Variants in ADAMTS12 observed in about 807,000 individuals in gnomAD.
ADAMTS12 encodes A disintegrin and metalloproteinase with thrombospondin motifs 12.
ADAMTS12 carries 118 observed loss-of-function variants against 167.8 expected under a neutral mutation model. The observed-to-expected ratio is 0.70, with a 90% CI of 0.61 to 0.82. ADAMTS12 has a LOEUF of 0.82. Ranked by LOEUF, ADAMTS12 falls within the 40% of genes least tolerant of loss-of-function variation. The pLI is 0.00. For synonymous variants in ADAMTS12, 704 were observed against 716.9 expected (o/e 0.98, Z 0.29); for missense variants, 1,916 against 1,998.8 (o/e 0.96, Z 0.79).
chr5:33,824,916 T>A (rs942686840), intron 2 of ADAMTS12, among the ~76,000 whole-genome samples: 1 of 152,096 alleles, frequency 6.6e-6, no homozygotes, highest in Admixed American at 6.6e-5. Context: ...ACTCTAACAC[T>A]GCAAAAGCCA....
At chr5:33,649,030 T>G in intron 8 of ADAMTS12, 64 bp from the exon 9 acceptor site, 1 of 1,579,540 alleles carries the variant, frequency 6.3e-7, no homozygotes, top group South Asian at 1.2e-5. Context: ...CAGCCTTTCA[T>G]TCAACAGAAA....
intron 3 of ADAMTS12, among the ~76,000 whole-genome samples, chr5:33,684,965 G>C (rs1742272625): frequency 6.6e-6 from 1 of 152,218 alleles, no homozygotes; most frequent in East Asian, 1.9e-4. Flanking sequence ...CTTAACCCAA[G>C]TGGAAGTCAA....
At chr5:33,720,505 A>G (rs1234268116) in intron 3 of ADAMTS12, among the ~76,000 whole-genome samples, 1 of 152,236 alleles carries the variant, frequency 6.6e-6, no homozygotes, top group Non-Finnish European at 1.5e-5. Flanking sequence ...ACCTGTGTTT[A>G]CATCAATAAA....
At chr5:33,768,104 T>C (rs1057200785) in intron 2 of ADAMTS12, among the ~76,000 whole-genome samples, 1 of 152,150 alleles carries the variant, frequency 6.6e-6, no homozygotes, top group Non-Finnish European at 1.5e-5. Flanking sequence ...CGAAGTTAGT[T>C]GATAAAGAAC....
chr5:33,773,467 T>C (rs1359437098), intron 2 of ADAMTS12, among the ~76,000 whole-genome samples: 3 of 152,174 alleles, frequency 2.0e-5, no homozygotes, highest in Non-Finnish European at 2.9e-5. Flanking sequence ...GCTCTAGGCA[T>C]GGACATGTGT....
chr5:33,565,693 G>A (rs1258175538), intron 19 of ADAMTS12, among the ~76,000 whole-genome samples: 1 of 102,074 alleles, frequency 9.8e-6, no homozygotes, highest in East Asian at 2.7e-4. Context: ...TTTTTTTTTG[G>A]TGAGCTATAA....
At chr5:33,700,830 T>C (rs1252608806) in intron 3 of ADAMTS12, among the ~76,000 whole-genome samples, 1 of 152,152 alleles carries the variant, frequency 6.6e-6, no homozygotes, top group Non-Finnish European at 1.5e-5. Flanking sequence ...TATTGTATCT[T>C]ATGACTGTAT....
chr5:33,621,359 C>T (rs1358250140), intron 14 of ADAMTS12, among the ~76,000 whole-genome samples: 1 of 147,978 alleles, frequency 6.8e-6, no homozygotes, highest in African/African-American at 2.5e-5. Flanking sequence ...TAGATCATAC[C>T]ACTGCACTCC....
intron 22 of ADAMTS12, among the ~76,000 whole-genome samples, chr5:33,542,773 T>A (rs1260550248): frequency 1.3e-5 from 2 of 152,122 alleles, no homozygotes; most frequent in African/African-American, 4.8e-5. Context: ...ACTGGGTACA[T>A]AACGAAATGA....
At chr5:33,798,353 C>G (rs989068571) in intron 2 of ADAMTS12, among the ~76,000 whole-genome samples, 3 of 151,766 alleles carry the variant, frequency 2.0e-5, no homozygotes, top group Admixed American at 6.6e-5. Context: ...CCCAAGAACC[C>G]TCTCCTTGGT....
In ADAMTS12 at chr5:33,787,883, C is replaced by A. The variant is rs183610249; in HGVS notation, c.490-36335G>T. ...GCTGTTTTCTCGTGACTCTTCCACACATTTACTGAGCATCTACCATGTGTG... is the reference window on the plus strand; with the variant it reads ...GCTGTTTTCTCGTGACTCTTCCACAAATTTACTGAGCATCTACCATGTGTG... On this transcript the variant is annotated intron_variant, in intron 2 of 23. Transcript: ENST00000504830. 3.6e-3 allele frequency among the ~76,000 whole-genome samples: 549 copies of A among 152,266 alleles called. 6 individuals carry two copies. The highest frequency in any genetic ancestry group is 0.013 in the African/African-American group (532 of 41,512).
chr5:33,681,741 C>T (rs370641589), intron 5 of ADAMTS12, among the ~76,000 whole-genome samples: 158 of 152,176 alleles, frequency 1.0e-3, no homozygotes, highest in African/African-American at 3.7e-3. Flanking sequence ...CATGAGAAGG[C>T]GCCAGTCATG....
At chr5:33,658,762 A>G (rs894052790) in intron 6 of ADAMTS12, among the ~76,000 whole-genome samples, 5 of 152,116 alleles carry the variant, frequency 3.3e-5, no homozygotes, top group Admixed American at 3.3e-4. Context: ...TCATCTAAGA[A>G]CTTCTTTTTC....
chr5:33,851,185 G>A (rs1749207913), intron 2 of ADAMTS12, among the ~76,000 whole-genome samples: 1 of 152,200 alleles, frequency 6.6e-6, no homozygotes, highest in African/African-American at 2.4e-5. Flanking sequence ...GGCCGAGGCA[G>A]GCAGATCACG....
chr5:33,544,593 A>G (rs562360442), intron 22 of ADAMTS12, among the ~76,000 whole-genome samples: 3 of 152,150 alleles, frequency 2.0e-5, no homozygotes. Context: ...GAGGCATCAT[A>G]CTACCTGACT....
intron 2 of ADAMTS12, among the ~76,000 whole-genome samples, chr5:33,785,706 T>C (rs978405749): frequency 1.3e-5 from 2 of 152,198 alleles, no homozygotes; most frequent in African/African-American, 4.8e-5. Context: ...AACCCTTGTA[T>C]GTTGCTGTTG....
intron 3 of ADAMTS12, among the ~76,000 whole-genome samples, chr5:33,712,925 G>T (rs1044060401): frequency 6.6e-6 from 1 of 152,108 alleles, no homozygotes; most frequent in Non-Finnish European, 1.5e-5. Context: ...CAATCATCTA[G>T]TGGCAGAATA....
At chr5:33,541,789 G>T (rs975915833) in intron 22 of ADAMTS12, among the ~76,000 whole-genome samples, 1 of 152,176 alleles carries the variant, frequency 6.6e-6, no homozygotes, top group Non-Finnish European at 1.5e-5. Context: ...CAAATGCTGA[G>T]AGATTTTGTC....
At chr5:33,805,035 A>C (rs957508507) in intron 2 of ADAMTS12, among the ~76,000 whole-genome samples, 7 of 152,356 alleles carry the variant, frequency 4.6e-5, no homozygotes, top group Middle Eastern at 3.4e-3. Flanking sequence ...GAGAGTGAGC[A>C]TCATGAAGTC....
Sources: allele counts gnomAD v4.1 joint callset (sites outside exome capture counted in the v4.1 genomes callset), GRCh38; gene constraint gnomAD v4.1.1; transcripts MANE v1.5; gene names NCBI Gene and HGNC (gene_info 2026-07-23, HGNC 2026-07-21).